The following FAM135B variants were observed in gnomAD, a reference collection of about 807,000 sequenced individuals.
FAM135B encodes the protein family with sequence similarity 135 member B.
FAM135B carries 43 observed loss-of-function variants against 127.7 expected under a neutral mutation model. The ratio of observed to expected loss-of-function variants is 0.34; its 90% CI spans 0.26 to 0.43. The LOEUF is 0.43. FAM135B is among the 20% of genes least tolerant of loss of function. The pLI is 1.00. For synonymous variants in FAM135B, 670 were observed against 665.1 expected, an observed-to-expected ratio of 1.01 and a Z score of -0.11; for missense variants, 1,558 against 1,725.6, an observed-to-expected ratio of 0.90 and a Z score of 1.72.
intron 1 of FAM135B, among the ~76,000 whole-genome samples, chr8:138,455,389 T>C (rs773814340): frequency 2.0e-5 from 3 of 152,324 alleles, no homozygotes; most frequent in Middle Eastern, 6.8e-3. Context: ...GTACGTGGTC[T>C]GACAGCATCT....
intron 7 of FAM135B, among the ~76,000 whole-genome samples, chr8:138,232,918 T>G (rs1194543832): frequency 6.6e-6 from 1 of 152,130 alleles, no homozygotes; most frequent in Non-Finnish European, 1.5e-5. Flanking sequence ...TAACTAAAAT[T>G]TTACACCCAT....
intron 1 of FAM135B, among the ~76,000 whole-genome samples, chr8:138,415,777 G>T (rs555577345): frequency 6.6e-6 from 1 of 152,310 alleles, no homozygotes; most frequent in African/African-American, 2.4e-5. Flanking sequence ...CAGCATCTGA[G>T]AATGAATGAC....
chr8:138,489,216 T>C (rs560623334), intron 1 of FAM135B, among the ~76,000 whole-genome samples: 13 of 152,296 alleles, frequency 8.5e-5, no homozygotes, highest in African/African-American at 2.9e-4. Context: ...ACAGAACTCA[T>C]CATTTCCTCC....
intron 7 of FAM135B, among the ~76,000 whole-genome samples, chr8:138,219,828 A>G (rs1818882905): frequency 6.6e-6 from 1 of 152,142 alleles, no homozygotes; most frequent in Non-Finnish European, 1.5e-5. Context: ...CTAGGAACTC[A>G]TGTTCTGGTA....
intron 1 of FAM135B, among the ~76,000 whole-genome samples, chr8:138,458,162 A>G (rs935907020): frequency 2.6e-5 from 4 of 152,162 alleles, no homozygotes; most frequent in African/African-American, 9.7e-5. Context: ...AAATAAATAA[A>G]TAAACAAAGC....
intron 1 of FAM135B, among the ~76,000 whole-genome samples, chr8:138,485,862 G>A (rs892511000): frequency 2.6e-5 from 4 of 152,144 alleles, no homozygotes; most frequent in Non-Finnish European, 4.4e-5. Context: ...GGCCATGTTC[G>A]ACAGATCATC....
chr8:138,170,554 A>G (rs1205641569), intron 11 of FAM135B, among the ~76,000 whole-genome samples: 1 of 152,186 alleles, frequency 6.6e-6, no homozygotes, highest in Non-Finnish European at 1.5e-5. Context: ...AATGTGGTTT[A>G]AGAAATGCGA....
chr8:138,204,845 G>A (rs776065267), intron 7 of FAM135B, among the ~76,000 whole-genome samples: 13 of 152,192 alleles, frequency 8.5e-5, no homozygotes, highest in East Asian at 1.9e-4. Context: ...TTTTTTAACC[G>A]AGAAATATCA....
intron 1 of FAM135B, among the ~76,000 whole-genome samples, chr8:138,442,705 A>G (rs1053108648): frequency 3.3e-5 from 5 of 152,098 alleles, no homozygotes; most frequent in Admixed American, 3.3e-4. Context: ...AAAAAGTAAT[A>G]GATCTCCAAT....
intron 2 of FAM135B, chr8:138,367,458 G>T: frequency 2.2e-6 from 1 of 456,908 alleles, no homozygotes; most frequent in South Asian, 1.6e-5. Context: ...ATTGATGTTT[G>T]CAAATACCAA....
chr8:138,137,891 G>A (rs1816796950), intron 18 of FAM135B, among the ~76,000 whole-genome samples: 1 of 152,144 alleles, frequency 6.6e-6, no homozygotes, highest in African/African-American at 2.4e-5. Flanking sequence ...AGACTACCCG[G>A]ACACTCCATC....
intron 1 of FAM135B, among the ~76,000 whole-genome samples, chr8:138,408,604 T>C (rs960362050): frequency 6.6e-6 from 1 of 152,302 alleles, no homozygotes; most frequent in South Asian, 2.1e-4. Flanking sequence ...ATAGGTTTAA[T>C]TGACTCACAG....
chr8:138,230,223 C>T (rs1819809278), intron 7 of FAM135B, among the ~76,000 whole-genome samples: 1 of 152,164 alleles, frequency 6.6e-6, no homozygotes, highest in Admixed American at 6.5e-5. Context: ...ATCTATTTCA[C>T]TCTTTTTCCA....
Position 138,284,622 on chromosome 8 carries a change from C to A in FAM135B, c.158-18780G>T, listed in dbSNP as rs117474987. Among the ~76,000 whole-genome samples the A allele has an allele frequency of 6.6e-5, 10 of 151,914 alleles. No homozygotes were observed. In the East Asian group the frequency reaches 2.0e-3, roughly 30 times the overall value. ...CCCTCCCTGTCACAAGCTACCTTTG[C>A]CCATGCTGTTCCCTCTGCTTGGAAT... On this transcript the variant is annotated intron_variant, in intron 3 of 19. Coordinates refer to ENST00000395297, the MANE Select transcript of FAM135B (RefSeq NM_015912.4).
At chr8:138,353,751 A>G (rs1207467025) in intron 2 of FAM135B, among the ~76,000 whole-genome samples, 3 of 151,360 alleles carry the variant, frequency 2.0e-5, no homozygotes, top group Non-Finnish European at 4.4e-5. Flanking sequence ...TTGATACAGT[A>G]AAAACTCCTG....
At chr8:138,170,862 T>A (rs967797094) in intron 11 of FAM135B, among the ~76,000 whole-genome samples, 4 of 151,970 alleles carry the variant, frequency 2.6e-5, no homozygotes, top group African/African-American at 9.7e-5. Context: ...ATTAGTTGGG[T>A]CCCGGATGAA....
At chr8:138,342,903 C>A (rs1352347306) in intron 2 of FAM135B, among the ~76,000 whole-genome samples, 1 of 152,216 alleles carries the variant, frequency 6.6e-6, no homozygotes, top group African/African-American at 2.4e-5. Context: ...TGCATCCAAA[C>A]ATGCATGCAC....
chr8:138,403,050 C>G (rs951312465), intron 1 of FAM135B, among the ~76,000 whole-genome samples: 3 of 152,174 alleles, frequency 2.0e-5, no homozygotes, highest in Non-Finnish European at 4.4e-5. Context: ...CAGCTCGTAC[C>G]TTGATCGTGG....
intron 1 of FAM135B, among the ~76,000 whole-genome samples, chr8:138,400,761 G>A (rs1833115092): frequency 6.6e-6 from 1 of 152,104 alleles, no homozygotes; most frequent in Non-Finnish European, 1.5e-5. Flanking sequence ...CTACACGTAG[G>A]GAAGTGTCCC....
Sources: gnomAD v4.1 joint callset for allele counts (sites outside exome capture counted in the v4.1 genomes callset) on GRCh38, gnomAD v4.1.1 for gene constraint, MANE v1.5 for transcripts, NCBI Gene and HGNC (gene_info 2026-07-23, HGNC 2026-07-21) for gene names.